SEMA3A: variants seen among roughly 807,000 people sequenced by gnomAD.
The protein encoded by SEMA3A is semaphorin-3A.
In SEMA3A, 29 loss-of-function variants were observed where a neutral mutation model predicts 97.9. The ratio of observed to expected loss-of-function variants is 0.30; its 90% CI spans 0.22 to 0.40. The LOEUF (loss-of-function observed/expected upper bound fraction) is 0.40, where lower values mean the gene tolerates loss of function less well. SEMA3A is among the 10% of genes least tolerant of loss of function. The pLI, the probability that SEMA3A is intolerant of heterozygous loss-of-function variation, is 1.00. For missense variants in SEMA3A, 763 were observed against 951.3 expected, an observed-to-expected ratio of 0.80 and a Z score of 2.60; for synonymous variants, 321 against 323.7, an observed-to-expected ratio of 0.99 and a Z score of 0.09.
chr7:84,356,260 A>AT (rs1324529545), intron 2 of SEMA3A, among the ~76,000 whole-genome samples: 2 of 151,696 alleles, frequency 1.3e-5, no homozygotes, highest in African/African-American at 4.8e-5. Flanking sequence ...ACTGATTTTA[A>AT]TTTTCCCTTA....
At chr7:84,173,248 C>T (rs985821010) in intron 1 of SEMA3A, among the ~76,000 whole-genome samples, 2 of 151,844 alleles carry the variant, frequency 1.3e-5, no homozygotes, top group Admixed American at 1.3e-4. Context: ...TTCTATTGAA[C>T]CCTCTGAATT....
In SEMA3A at chr7:84,258,225, T is replaced by C. The variant is rs2115646718; in HGVS notation, c.-83+48982A>G. Among the ~76,000 whole-genome samples, 3 of 152,274 alleles carry C rather than the reference T, an allele frequency of 2.0e-5. 1 individual carries two copies. On this transcript the variant is annotated intron_variant, in intron 3 of 3. Transcript: ENST00000424555. ...TGGGGGTCAACGGGTAGAGGAGATA[T>C]GTGGCTTTCAAGCAATCCTTCTGAT...
intron 1 of SEMA3A, among the ~76,000 whole-genome samples, chr7:84,459,260 T>G (rs1313712865): frequency 6.6e-6 from 1 of 152,172 alleles, no homozygotes; most frequent in East Asian, 1.9e-4. Context: ...AACACTTTCT[T>G]AAAGTTTGAA....
intron 5 of SEMA3A, 100 bp downstream of exon 5, chr7:84,060,362 AATT>A: frequency 1.3e-6 from 1 of 759,332 alleles, no homozygotes; most frequent in Non-Finnish European, 2.2e-6. Context: ...CTTCTAAAAC[AATT>A]ATTATTTCAT....
At chr7:84,050,394 T>C (rs1163524818) in intron 5 of SEMA3A, among the ~76,000 whole-genome samples, 1 of 152,070 alleles carries the variant, frequency 6.6e-6, no homozygotes, top group African/African-American at 2.4e-5. Context: ...TTTTAATGAT[T>C]GCCATTCTAA....
intron 1 of SEMA3A, among the ~76,000 whole-genome samples, chr7:84,437,534 T>C (rs2116332669): frequency 6.6e-6 from 1 of 151,586 alleles, no homozygotes; most frequent in South Asian, 2.1e-4. Flanking sequence ...CATAATCTCA[T>C]GCCTTCATAA....
intron 1 of SEMA3A, among the ~76,000 whole-genome samples, chr7:84,426,317 TAG>T (rs1341699349): frequency 6.7e-6 from 1 of 148,616 alleles, no homozygotes. Context: ...GATAGATAGA[TAG>T]ACAGACAAAT....
intron 3 of SEMA3A, among the ~76,000 whole-genome samples, chr7:84,282,606 A>C (rs904668314): frequency 8.5e-5 from 13 of 152,112 alleles, no homozygotes; most frequent in African/African-American, 3.1e-4. Flanking sequence ...TAAGCCAGTG[A>C]TTTCTAAAGA....
intron 2 of SEMA3A, among the ~76,000 whole-genome samples, chr7:84,346,669 T>C (rs535555778): frequency 2.3e-4 from 35 of 152,298 alleles, no homozygotes; most frequent in Admixed American, 5.9e-4. Flanking sequence ...GCATAGTTTG[T>C]GATGTCCCAA....
At chr7:83,970,361 T>G (rs563279440) in intron 15 of SEMA3A, among the ~76,000 whole-genome samples, 1 of 152,310 alleles carries the variant, frequency 6.6e-6, no homozygotes, top group African/African-American at 2.4e-5. Flanking sequence ...TATCCATCAT[T>G]TGACCAGAAA....
At chr7:84,225,302 A>G (rs974474356) in intron 3 of SEMA3A, among the ~76,000 whole-genome samples, 13 of 152,258 alleles carry the variant, frequency 8.5e-5, no homozygotes, top group African/African-American at 2.6e-4. Context: ...ATTTTATCAT[A>G]TTGCACACAT....
At chr7:84,272,282 T>C (rs1016106343) in intron 3 of SEMA3A, among the ~76,000 whole-genome samples, 1 of 152,038 alleles carries the variant, frequency 6.6e-6, no homozygotes, top group Non-Finnish European at 1.5e-5. Context: ...CTGCTGCTGA[T>C]TTTGTAGACT....
intron 3 of SEMA3A, among the ~76,000 whole-genome samples, chr7:84,237,397 A>G (rs949457456): frequency 7.2e-5 from 11 of 152,114 alleles, no homozygotes; most frequent in African/African-American, 2.7e-4. Flanking sequence ...AACATACAAG[A>G]CATAGTATTA....
At chr7:84,418,448 T>C (rs539704533) in intron 1 of SEMA3A, among the ~76,000 whole-genome samples, 3 of 151,964 alleles carry the variant, frequency 2.0e-5, no homozygotes, top group Non-Finnish European at 4.4e-5. Context: ...ACCCACAACA[T>C]GTGGGAATTA....
intron 2 of SEMA3A, among the ~76,000 whole-genome samples, chr7:84,341,709 C>G (rs1029098143): frequency 6.6e-6 from 1 of 152,110 alleles, no homozygotes; most frequent in African/African-American, 2.4e-5. Context: ...TTTATTATCA[C>G]ATTCACTGTA....
At chr7:84,429,794 T>C (rs553129811) in intron 1 of SEMA3A, among the ~76,000 whole-genome samples, 1 of 151,346 alleles carries the variant, frequency 6.6e-6, no homozygotes, top group Non-Finnish European at 1.5e-5. Context: ...GTGTAAATAC[T>C]TACATAATCT....
chr7:84,204,717 A>T (rs1006961218), intron 3 of SEMA3A, among the ~76,000 whole-genome samples: 1 of 152,216 alleles, frequency 6.6e-6, no homozygotes, highest in Non-Finnish European at 1.5e-5. Flanking sequence ...TATCAAACGC[A>T]GTAGGTTTGA....
Position 84,452,227 on chromosome 7 carries a change from T to C in SEMA3A, c.-246+40233A>G, listed in dbSNP as rs116417744. Among the ~76,000 whole-genome samples, 594 of 152,258 alleles carry C rather than the reference T, an allele frequency of 3.9e-3. 6 individuals are homozygous for C. The highest frequency in any genetic ancestry group is 0.014 in the African/African-American group (571 of 41,532). On this transcript the variant is annotated intron_variant, in intron 1 of 3. Coordinates refer to the SEMA3A transcript ENST00000424555. ...CAGAATTATCACTTAATAAATATAC[T>C]CAAAAGTTATTATTTTAAGGCAATA...
chr7:84,185,030 C>A (rs1797836672), intron 1 of SEMA3A, among the ~76,000 whole-genome samples: 1 of 152,082 alleles, frequency 6.6e-6, no homozygotes, highest in Non-Finnish European at 1.5e-5. Flanking sequence ...GTGTCCAAAT[C>A]CTTTATTCTT....
Sources: gnomAD v4.1 joint callset for allele counts (sites outside exome capture counted in the v4.1 genomes callset) on GRCh38, gnomAD v4.1.1 for gene constraint, MANE v1.5 for transcripts, NCBI Gene and HGNC (gene_info 2026-07-23, HGNC 2026-07-21) for gene names.